SRGAP2: variants seen among roughly 807,000 people sequenced by gnomAD.
SRGAP2 encodes SLIT-ROBO Rho GTPase activating protein 2, also known as SLIT-ROBO Rho GTPase-activating protein 2.
SRGAP2 carries 15 observed loss-of-function variants against 57.2 expected under a neutral mutation model. That is an observed-to-expected ratio of 0.26 (90% CI 0.18 to 0.40). SRGAP2 has a LOEUF of 0.40. SRGAP2 is among the 10% of genes least tolerant of loss of function. SRGAP2 has a pLI of 1.00. For synonymous variants in SRGAP2, 249 were observed against 248.0 expected (o/e 1.00, Z -0.04); for missense variants, 520 against 669.6 (o/e 0.78, Z 2.47).
chr1:206,333,570 G>A (rs1674545415), intron 3 of SRGAP2: 1 of 759,966 alleles, frequency 1.3e-6, no homozygotes, highest in East Asian at 2.7e-5. Context: ...ATGTTGCCCA[G>A]GCTGGTCATT....
intron 10 of SRGAP2, among the ~76,000 whole-genome samples, chr1:206,414,394 G>T (rs1553360705): frequency 6.6e-6 from 1 of 152,084 alleles, no homozygotes; most frequent in Non-Finnish European, 1.5e-5. Flanking sequence ...TGAAATCAAA[G>T]GTTTGATGTA....
intron 4 of SRGAP2, among the ~76,000 whole-genome samples, chr1:206,348,323 ATAT>A (rs1675802540): frequency 6.6e-6 from 1 of 151,022 alleles, no homozygotes. Context: ...GTTTGGGCAA[ATAT>A]TATTGCTGCC....
chr1:206,291,676 A>T (rs1182207357), intron 2 of SRGAP2, among the ~76,000 whole-genome samples: 4 of 150,144 alleles, frequency 2.7e-5, no homozygotes, highest in African/African-American at 1.0e-4. Flanking sequence ...CTTGGCACAT[A>T]ATAAGCACTT....
At chr1:206,455,753 C>G (rs1444728371) in intron 21 of SRGAP2, 1 of 152,392 alleles carries the variant, frequency 6.6e-6, no homozygotes, top group East Asian at 1.9e-4. Flanking sequence ...GCTCAGCAGG[C>G]TCTTACCTCT....
At chr1:206,456,417 CT>C (rs1270266137) in intron 21 of SRGAP2, among the ~76,000 whole-genome samples, 5 of 152,150 alleles carry the variant, frequency 3.3e-5, no homozygotes, top group Non-Finnish European at 2.9e-5. Flanking sequence ...CATTTTTTTC[CT>C]TATTTACAAT....
At chr1:206,428,284 G>A (rs559508255) in intron 13 of SRGAP2, among the ~76,000 whole-genome samples, 2 of 151,534 alleles carry the variant, frequency 1.3e-5, no homozygotes, top group East Asian at 3.9e-4. Context: ...GGGCATAGTG[G>A]CAGGTGCCTG....
intron 2 of SRGAP2, among the ~76,000 whole-genome samples, chr1:206,274,643 AAACAAAAAACT>A (rs1248643771): frequency 2.6e-5 from 4 of 151,894 alleles, no homozygotes; most frequent in Non-Finnish European, 4.4e-5. Context: ...TAAAACAAAC[AAACAAAAAACT>A]AGGGTGGTTA....
At chr1:206,406,747 G>A (rs2103167763) in intron 10 of SRGAP2, 173 bp downstream of exon 10, 2 of 623,336 alleles carry the variant, frequency 3.2e-6, no homozygotes, top group Admixed American at 5.9e-5. Context: ...AACATTAAAA[G>A]TTGTATATGT....
At chr1:206,458,350 A>G (rs1664004996) in intron 21 of SRGAP2, 1 of 633,224 alleles carries the variant, frequency 1.6e-6, no homozygotes, top group Non-Finnish European at 3.0e-6. Context: ...CCTTCGCTTA[A>G]TCAGACATTT....
chr1:206,335,071 C>T (rs1457150710), intron 3 of SRGAP2, among the ~76,000 whole-genome samples: 3 of 149,914 alleles, frequency 2.0e-5, no homozygotes, highest in African/African-American at 7.6e-5. Context: ...GGTCATTGAT[C>T]ACACCTTTGT....
chr1:206,411,416 A>G (rs1390421793), intron 10 of SRGAP2, among the ~76,000 whole-genome samples: 8 of 152,240 alleles, frequency 5.3e-5, no homozygotes, highest in African/African-American at 1.7e-4. Context: ...AACGTGTGCT[A>G]GTGAGTACAA....
chr1:206,319,202 G>A (rs1673279309), intron 3 of SRGAP2, among the ~76,000 whole-genome samples: 2 of 147,998 alleles, frequency 1.4e-5, no homozygotes, highest in South Asian at 4.2e-4. Flanking sequence ...ACGAGGTCAG[G>A]AGATCGAGAC....
chr1:206,313,194 C>G (rs1672798075), intron 3 of SRGAP2, among the ~76,000 whole-genome samples: 1 of 139,542 alleles, frequency 7.2e-6, no homozygotes, highest in African/African-American at 2.7e-5. Flanking sequence ...CTCTCCTCAA[C>G]ACATATTTGT....
chr1:206,346,151 T>TC (rs540285291), intron 4 of SRGAP2, among the ~76,000 whole-genome samples: 1,684 of 152,196 alleles, frequency 0.011, 21 homozygotes, highest in African/African-American at 0.038. Context: ...ACATGAATCT[T>TC]CCCGGGGATT....
At position 206,461,449 on chromosome 1, in the gene SRGAP2, G is replaced by T; in HGVS notation, c.*29G>T. The stretch of plus-strand genomic sequence containing the variant: ...ATAATAATTTAATTGTTCTAGACAA[G>T]GGGACTATAGGGACTGACTGTTATT... On this transcript the variant is annotated 3_prime_UTR_variant, in exon 23 of 23. Coordinates refer to ENST00000573034, the MANE Select transcript of SRGAP2 (RefSeq NM_015326.5). The T allele has an allele frequency of 1.4e-6, 1 of 709,732 alleles. No individual in the cohort carries two copies. Among genetic ancestry groups the T allele is most frequent in the Non-Finnish European group, 2.6e-6 (1 of 381,208 alleles). The allele number at this position is 709,732 out of a possible 1,614,324, so 44.0% of individuals were successfully genotyped here.
At chr1:206,286,693 A>G (rs1671044182) in intron 2 of SRGAP2, among the ~76,000 whole-genome samples, 1 of 152,120 alleles carries the variant, frequency 6.6e-6, no homozygotes, top group African/African-American at 2.4e-5. Context: ...TGGAGTGGTC[A>G]CAAAGGCTGC....
chr1:206,296,481 G>A (rs1455613710), intron 2 of SRGAP2, among the ~76,000 whole-genome samples: 13 of 151,450 alleles, frequency 8.6e-5, no homozygotes, highest in African/African-American at 3.2e-4. Context: ...CCAGGCTGGA[G>A]TATAGTGGCA....
intron 3 of SRGAP2, among the ~76,000 whole-genome samples, chr1:206,333,932 C>T (rs1269224221): frequency 3.3e-5 from 5 of 152,274 alleles, no homozygotes; most frequent in African/African-American, 1.2e-4. Context: ...TTCTCTTATA[C>T]CACTCAGCCC....
intron 2 of SRGAP2, among the ~76,000 whole-genome samples, chr1:206,248,468 G>T (rs1244195815): frequency 1.3e-5 from 2 of 152,132 alleles, no homozygotes; most frequent in African/African-American, 2.4e-5. Flanking sequence ...TCACTCAGGG[G>T]AGGGGTATTC....
Sources: gnomAD v4.1 joint callset for allele counts (sites outside exome capture counted in the v4.1 genomes callset) on GRCh38, gnomAD v4.1.1 for gene constraint, MANE v1.5 for transcripts, NCBI Gene and HGNC (gene_info 2026-07-23, HGNC 2026-07-21) for gene names.